OVCH1: variants seen among roughly 807,000 people sequenced by gnomAD.
OVCH1 encodes ovochymase-1.
OVCH1 carries 139 observed loss-of-function variants against 138.4 expected under a neutral mutation model. That is an observed-to-expected ratio of 1.00 (90% CI 0.87 to 1.16). OVCH1 has a LOEUF of 1.16. OVCH1 is among the 50% of genes most tolerant of loss of function. The pLI is 0.00. For synonymous variants in OVCH1, 453 were observed against 467.8 expected (o/e 0.97, Z 0.41); for missense variants, 1,367 against 1,357.9 (o/e 1.01, Z -0.11).
intron 19 of OVCH1, among the ~76,000 whole-genome samples, chr12:29,458,407 T>C (rs1387360828): frequency 1.3e-5 from 2 of 151,756 alleles, no homozygotes; most frequent in Non-Finnish European, 2.9e-5. Context: ...GACAGTCACT[T>C]TGATAAATGG....
At chr12:29,497,473 G>T in intron 1 of OVCH1, 150 bp downstream of exon 1, 1 of 932,280 alleles carries the variant, frequency 1.1e-6, no homozygotes, top group Non-Finnish European at 1.6e-6. Flanking sequence ...GGGGACATCT[G>T]AGCATGCACC....
At chr12:29,461,359 G>T (rs1402895017) in intron 19 of OVCH1, among the ~76,000 whole-genome samples, 1 of 152,094 alleles carries the variant, frequency 6.6e-6, no homozygotes, top group African/African-American at 2.4e-5. Context: ...TCTTTTTCTT[G>T]GTTAATTATG....
exon 19 of OVCH1, chr12:29,461,912 A>C: frequency 1.2e-6 from 2 of 1,613,872 alleles, no homozygotes; most frequent in East Asian, 4.5e-5. Flanking sequence ...CTTCTCTGTG[A>C]TCCCTCCTGG....
intron 27 of OVCH1, among the ~76,000 whole-genome samples, chr12:29,430,035 T>C (rs566216263): frequency 8.5e-5 from 13 of 152,314 alleles, no homozygotes; most frequent in Admixed American, 7.2e-4. Flanking sequence ...CGTCTACATT[T>C]CAATTTATTT....
intron 24 of OVCH1, among the ~76,000 whole-genome samples, 188 bp downstream of exon 24, chr12:29,443,957 A>G (rs182936236): frequency 5.6e-4 from 85 of 152,252 alleles, no homozygotes; most frequent in Admixed American, 3.3e-3. Flanking sequence ...CAATTGATAA[A>G]CAAGGACATT....
chr12:29,422,960 A>C (rs114357422), downstream of OVCH1, among the ~76,000 whole-genome samples: 956 of 152,314 alleles, frequency 6.3e-3, 5 homozygotes, highest in African/African-American at 0.022. Flanking sequence ...CAGATGATTC[A>C]TTTGGAACTA....
intron 16 of OVCH1, among the ~76,000 whole-genome samples, chr12:29,469,715 T>TA (rs111496328): frequency 0.28 from 40,809 of 147,862 alleles, 5,781 homozygotes; most frequent in Admixed American, 0.42. Flanking sequence ...CCCCGTGTCT[T>TA]AAAAAAAAAA....
At chr12:29,402,992 A>C in the OVCH1 span, among the ~76,000 whole-genome samples, 1 of 152,226 alleles carries the variant, frequency 6.6e-6, no homozygotes, top group African/African-American at 2.4e-5. Flanking sequence ...ACCAGTTTCA[A>C]TGAAGCCTCA....
At chr12:29,462,656 T>C (rs191857074) in intron 18 of OVCH1, among the ~76,000 whole-genome samples, 4 of 152,228 alleles carry the variant, frequency 2.6e-5, no homozygotes, top group African/African-American at 9.6e-5. Context: ...TGGGGCAATA[T>C]TAATAACAAG....
the OVCH1 span, among the ~76,000 whole-genome samples, chr12:29,402,754 GAAA>G: frequency 6.6e-6 from 1 of 151,890 alleles, no homozygotes; most frequent in Non-Finnish European, 1.5e-5. Context: ...TTGAGAAGTT[GAAA>G]GAGTGTAAGA....
chr12:29,496,275 A>T, exon 3 of OVCH1: 1 of 1,599,444 alleles, frequency 6.3e-7, no homozygotes. Flanking sequence ...GATTTTAGGG[A>T]GACCTACCCA....
At chr12:29,451,062 T>C (rs1406772745) in intron 22 of OVCH1, among the ~76,000 whole-genome samples, 1 of 151,996 alleles carries the variant, frequency 6.6e-6, no homozygotes, top group Admixed American at 6.6e-5. Context: ...AAGTAACTAA[T>C]GTAGATGACA....
intron 22 of OVCH1, among the ~76,000 whole-genome samples, chr12:29,449,474 T>C (rs1453526205): frequency 6.6e-6 from 1 of 152,130 alleles, no homozygotes; most frequent in Non-Finnish European, 1.5e-5. Flanking sequence ...TTTCACAATA[T>C]TGTTGCTTTC....
At chr12:29,445,428 A>G in intron 22 of OVCH1, 25 bp from the exon 23 acceptor site, 1 of 1,579,804 alleles carries the variant, frequency 6.3e-7, no homozygotes, top group Non-Finnish European at 8.6e-7. Context: ...GAACTCTAGT[A>G]AAAAATAAGA....
chr12:29,432,594 G>A (rs1941288850), intron 27 of OVCH1, among the ~76,000 whole-genome samples: 2 of 152,162 alleles, frequency 1.3e-5, no homozygotes, highest in South Asian at 4.1e-4. Flanking sequence ...GAGACACTTG[G>A]ATATACAGTG....
intron 15 of OVCH1, among the ~76,000 whole-genome samples, chr12:29,472,426 A>C (rs1255141455): frequency 6.6e-6 from 1 of 152,144 alleles, no homozygotes; most frequent in African/African-American, 2.4e-5. Context: ...TCCATGTATC[A>C]ATCCTCAAAC....
exon 20 of OVCH1, chr12:29,455,404 C>G: frequency 6.3e-7 from 1 of 1,589,808 alleles, no homozygotes; most frequent in African/African-American, 1.4e-5. Flanking sequence ...ACCAGAGTCT[C>G]CCTGAAACAC....
At chr12:29,469,269 A>G (rs11829418) in intron 16 of OVCH1, among the ~76,000 whole-genome samples, 12,833 of 152,204 alleles carry the variant, frequency 0.084, 545 homozygotes, top group African/African-American at 0.095. Context: ...TAATAAGAAT[A>G]GTATGCTACT....
intron 22 of OVCH1, 41 bp downstream of exon 22, chr12:29,451,304 C>A (rs773672975): frequency 6.5e-6 from 10 of 1,534,380 alleles, no homozygotes; most frequent in Non-Finnish European, 7.1e-6. Context: ...CTACATGGAC[C>A]AAGACTCCTA....
Sources: allele counts gnomAD v4.1 joint callset (sites outside exome capture counted in the v4.1 genomes callset), GRCh38; gene constraint gnomAD v4.1.1; transcripts MANE v1.5; gene names NCBI Gene and HGNC (gene_info 2026-07-23, HGNC 2026-07-21).